The following CTNNA2 variants were observed in gnomAD, a reference collection of about 807,000 sequenced individuals.
CTNNA2 encodes catenin alpha-2.
CTNNA2 carries 42 observed loss-of-function variants against 101.0 expected under a neutral mutation model. The observed-to-expected ratio is 0.42, with a 90% CI of 0.32 to 0.54. CTNNA2 has a LOEUF of 0.54. CTNNA2 is among the 20% of genes least tolerant of loss of function. The probability of loss-of-function intolerance (pLI) is 0.14; values close to 1 mark genes in which losing one functional copy is unlikely to be tolerated. For missense variants in CTNNA2, 871 were observed against 1,223.1 expected, an observed-to-expected ratio of 0.71 and a Z score of 4.29; for synonymous variants, 450 against 456.4, an observed-to-expected ratio of 0.99 and a Z score of 0.18.
At position 80,076,682 on chromosome 2, in the gene CTNNA2, A is replaced by T. The variant is rs1022473362; in HGVS notation, c.1056+166885A>T. On this transcript the variant is annotated intron_variant, in intron 7 of 18. Transcript: ENST00000402739. ...CTGACTTGGGTCCTGTTCATACTGC[A>T]TCTTGCTAAATAATTTTATAAGCCT... 2.6e-5 allele frequency among the ~76,000 whole-genome samples: 4 copies of T among 151,704 alleles called. No individual in the cohort carries two copies. The East Asian group carries it at 7.7e-4, about 29-fold the overall frequency.
At chr2:79,224,337 A>T (rs1674382125) in intron 2 of CTNNA2, among the ~76,000 whole-genome samples, 1 of 152,188 alleles carries the variant, frequency 6.6e-6, no homozygotes, top group South Asian at 2.1e-4. Context: ...CATTATTTTC[A>T]ACGCTTTATC....
chr2:79,478,905 C>A (rs2104554257), intron 4 of CTNNA2, among the ~76,000 whole-genome samples: 1 of 152,290 alleles, frequency 6.6e-6, no homozygotes, highest in South Asian at 2.1e-4. Flanking sequence ...ACCGTCTCAC[C>A]TTTACTACCT....
chr2:80,513,744 C>T (rs1237522708), intron 9 of CTNNA2, among the ~76,000 whole-genome samples: 4 of 152,052 alleles, frequency 2.6e-5, no homozygotes, highest in African/African-American at 9.7e-5. Flanking sequence ...TCTCATAATC[C>T]CATCCAACTG....
chr2:79,309,888 T>G (rs1356509357), intron 2 of CTNNA2, among the ~76,000 whole-genome samples: 1 of 152,208 alleles, frequency 6.6e-6, no homozygotes, highest in Non-Finnish European at 1.5e-5. Context: ...TCAGTTCTCT[T>G]CTGTCCTTCA....
At chr2:80,178,053 T>C (rs544358633) in intron 7 of CTNNA2, among the ~76,000 whole-genome samples, 1 of 152,340 alleles carries the variant, frequency 6.6e-6, no homozygotes, top group South Asian at 2.1e-4. Context: ...ATCAGGCCCT[T>C]GTCACCTTTT....
chr2:79,540,886 C>T (rs1402412069), intron 1 of CTNNA2, among the ~76,000 whole-genome samples: 1 of 152,028 alleles, frequency 6.6e-6, no homozygotes, highest in Non-Finnish European at 1.5e-5. Flanking sequence ...AAATAATTTG[C>T]TTGAAACAAC....
chr2:80,580,830 C>T (rs978561860), intron 13 of CTNNA2, among the ~76,000 whole-genome samples: 4 of 152,080 alleles, frequency 2.6e-5, no homozygotes, highest in Non-Finnish European at 4.4e-5. Flanking sequence ...GCCTGGCCAA[C>T]GTGGTGAAAC....
chr2:79,655,099 C>T (rs1681518485), intron 2 of CTNNA2, among the ~76,000 whole-genome samples: 1 of 152,154 alleles, frequency 6.6e-6, no homozygotes, highest in South Asian at 2.1e-4. Context: ...AGCCTTTCAT[C>T]ACAGATAGCT....
intron 7 of CTNNA2, among the ~76,000 whole-genome samples, chr2:80,009,966 G>A (rs1476911231): frequency 6.6e-6 from 1 of 152,094 alleles, no homozygotes; most frequent in Non-Finnish European, 1.5e-5. Flanking sequence ...TGGGCAAATT[G>A]ATTAGACTCA....
At chr2:79,283,946 T>C (rs1675478136) in intron 2 of CTNNA2, among the ~76,000 whole-genome samples, 1 of 58,860 alleles carries the variant, frequency 1.7e-5, no homozygotes, top group African/African-American at 6.9e-5. Flanking sequence ...GAGCAGTGGT[T>C]TGTAGTTCTC....
intron 9 of CTNNA2, among the ~76,000 whole-genome samples, chr2:80,518,250 G>C (rs1689256681): frequency 6.6e-6 from 1 of 152,186 alleles, no homozygotes; most frequent in Admixed American, 6.5e-5. Flanking sequence ...ATCTCTAGTG[G>C]ATGTGGAATG....
chr2:79,789,491 C>T (rs1675108666), intron 3 of CTNNA2, among the ~76,000 whole-genome samples: 1 of 151,988 alleles, frequency 6.6e-6, no homozygotes, highest in South Asian at 2.1e-4. Context: ...TTGAGCAGGA[C>T]AGTGAGCCAA....
At chr2:79,384,958 T>G (rs1446445219) in intron 4 of CTNNA2, among the ~76,000 whole-genome samples, 1 of 152,200 alleles carries the variant, frequency 6.6e-6, no homozygotes, top group Admixed American at 6.5e-5. Context: ...GCAATCACAT[T>G]TTTTATCCTT....
intron 1 of CTNNA2, among the ~76,000 whole-genome samples, chr2:79,612,922 A>G (rs1017645223): frequency 5.9e-5 from 9 of 152,144 alleles, no homozygotes; most frequent in Non-Finnish European, 1.3e-4. Flanking sequence ...AAAAATTTAA[A>G]CTTCTTGTTT....
At chr2:79,192,759 C>G (rs1476445421) in intron 1 of CTNNA2, among the ~76,000 whole-genome samples, 1 of 152,030 alleles carries the variant, frequency 6.6e-6, no homozygotes, top group Non-Finnish European at 1.5e-5. Context: ...ATTTCCCATC[C>G]TCCTCGCCCC....
chr2:79,273,229 G>A lies in CTNNA2; in HGVS notation c.-405-39480G>A, dbSNP rs541506972. ...ACAGATATTACTCATTTTATCCTTA[G>A]GGCAACCTATCAGATAGGCATTATT... On this transcript the variant is annotated intron_variant, in intron 2 of 21. Transcript: ENST00000466387. Among the ~76,000 whole-genome samples the A allele has an allele frequency of 6.3e-4, 96 of 152,012 alleles. 1 individual carries two copies. The highest frequency in any genetic ancestry group is 2.3e-3 in the African/African-American group (95 of 41,472).
At chr2:80,291,918 G>A (rs1318407724) in intron 7 of CTNNA2, among the ~76,000 whole-genome samples, 1 of 152,228 alleles carries the variant, frequency 6.6e-6, no homozygotes, top group Non-Finnish European at 1.5e-5. Flanking sequence ...AAGTCAGTGA[G>A]TGGTGTATGG....
intron 7 of CTNNA2, among the ~76,000 whole-genome samples, chr2:80,199,583 A>G (rs530837855): frequency 2.0e-5 from 3 of 152,214 alleles, no homozygotes; most frequent in Non-Finnish European, 2.9e-5. Flanking sequence ...TGAGAGCCAG[A>G]ATGAGGGAAA....
At chr2:80,209,557 T>C (rs1170148758) in intron 7 of CTNNA2, among the ~76,000 whole-genome samples, 1 of 152,088 alleles carries the variant, frequency 6.6e-6, no homozygotes, top group African/African-American at 2.4e-5. Flanking sequence ...GATCTCATTC[T>C]CTTATGAACA....
Sources: allele counts gnomAD v4.1 joint callset (sites outside exome capture counted in the v4.1 genomes callset), GRCh38; gene constraint gnomAD v4.1.1; transcripts MANE v1.5; gene names NCBI Gene and HGNC (gene_info 2026-07-23, HGNC 2026-07-21).